The following CDH18 variants were observed in gnomAD, a reference collection of about 807,000 sequenced individuals.
The protein encoded by CDH18 is cadherin-18.
In CDH18, 31 loss-of-function variants were observed where a neutral mutation model predicts 67.9. That is an observed-to-expected ratio of 0.46 (90% CI 0.34 to 0.62). The LOEUF is 0.62. Among genes scored for constraint, CDH18 ranks in the 20% least tolerant of loss-of-function variants. CDH18 has a pLI of 0.01. For missense variants in CDH18, 890 were observed against 975.5 expected, an observed-to-expected ratio of 0.91 and a Z score of 1.17; for synonymous variants, 362 against 347.2, an observed-to-expected ratio of 1.04 and a Z score of -0.48.
chr5:19,913,757 T>C (rs1791422487), intron 2 of CDH18, among the ~76,000 whole-genome samples: 2 of 152,210 alleles, frequency 1.3e-5, no homozygotes, highest in Admixed American at 1.3e-4. Flanking sequence ...TAGAGAAGCA[T>C]CTGAAATAAC....
chr5:19,849,681 T>A (rs201595240), intron 2 of CDH18, among the ~76,000 whole-genome samples: 2 of 28,186 alleles, frequency 7.1e-5, no homozygotes, highest in Non-Finnish European at 1.0e-4. Flanking sequence ...CATATATATA[T>A]AAACATATAT....
intron 2 of CDH18, among the ~76,000 whole-genome samples, chr5:19,942,325 G>A (rs971169325): frequency 6.6e-6 from 1 of 152,152 alleles, no homozygotes; most frequent in African/African-American, 2.4e-5. Flanking sequence ...GCATCAAAGT[G>A]CTTAAAGTTT....
At chr5:19,499,560 A>T (rs941194764) in intron 11 of CDH18, among the ~76,000 whole-genome samples, 2 of 151,826 alleles carry the variant, frequency 1.3e-5, no homozygotes, top group African/African-American at 4.8e-5. Context: ...GAATTTTCTA[A>T]TTTTTTATAC....
At chr5:20,299,403 T>TACACACAC (rs56003449) in intron 1 of CDH18, among the ~76,000 whole-genome samples, 10 of 138,772 alleles carry the variant, frequency 7.2e-5, no homozygotes, top group African/African-American at 2.7e-4. Flanking sequence ...CAACATTAGC[T>TACACACAC]ACACACACAC....
At chr5:19,496,913 T>C (rs1237437203) in intron 11 of CDH18, among the ~76,000 whole-genome samples, 1 of 151,922 alleles carries the variant, frequency 6.6e-6, no homozygotes, top group African/African-American at 2.4e-5. Context: ...AGGTGTCATC[T>C]TGGAAGCAGA....
chr5:20,300,303 C>CGTGTGTGTGTGTGT (rs67689740), intron 1 of CDH18, among the ~76,000 whole-genome samples: 2 of 148,506 alleles, frequency 1.3e-5, no homozygotes, highest in African/African-American at 5.0e-5. Context: ...TGTGTGTGTG[C>CGTGTGTGTGTGTGT]GTGTGTGTGT....
intron 1 of CDH18, among the ~76,000 whole-genome samples, chr5:20,538,749 G>A (rs1424109795): frequency 6.6e-6 from 1 of 151,864 alleles, no homozygotes; most frequent in African/African-American, 2.4e-5. Context: ...CTTCTTGATG[G>A]CCTTGGAAAA....
intron 2 of CDH18, among the ~76,000 whole-genome samples, chr5:19,917,964 C>G (rs4610462): frequency 2.6e-5 from 4 of 152,062 alleles, no homozygotes; most frequent in Non-Finnish European, 4.4e-5. Flanking sequence ...GAAGCAGAGA[C>G]GTGAGATGTG....
chr5:20,489,689 T>C (rs983447599), intron 1 of CDH18, among the ~76,000 whole-genome samples: 1 of 151,982 alleles, frequency 6.6e-6, no homozygotes, highest in Non-Finnish European at 1.5e-5. Context: ...ATGCCTTAGG[T>C]TAAAGAAAAT....
intron 2 of CDH18, among the ~76,000 whole-genome samples, chr5:20,131,042 A>G (rs2126473869): frequency 6.6e-6 from 1 of 152,242 alleles, no homozygotes; most frequent in East Asian, 1.9e-4. Flanking sequence ...CTTCAAAACA[A>G]AAATCACTTC....
At chr5:20,558,667 C>T (rs1397328956) in intron 1 of CDH18, among the ~76,000 whole-genome samples, 1 of 152,008 alleles carries the variant, frequency 6.6e-6, no homozygotes, top group East Asian at 1.9e-4. Context: ...CTATTGTCCA[C>T]ACAGAGCAAC....
At position 20,566,366 on chromosome 5, in the gene CDH18, T is replaced by C. The variant is rs570170688; in HGVS notation, c.-580+9096A>G. 4.6e-4 allele frequency among the ~76,000 whole-genome samples: 67 copies of C among 145,366 alleles called. 2 individuals are homozygous for C. The South Asian group carries it at 0.013, about 28-fold the overall frequency. ...CTTGATTTTTTTTCTTTTTCTTTTT[T>C]TTTTTTTTTTTTGAGATAGAGTCTC... On this transcript the variant is annotated intron_variant, in intron 1 of 14. Transcript: ENST00000507958.
At chr5:20,351,104 C>A (rs1003841963) in intron 1 of CDH18, among the ~76,000 whole-genome samples, 6 of 151,718 alleles carry the variant, frequency 4.0e-5, no homozygotes, top group Admixed American at 2.6e-4. Flanking sequence ...ATTCCTTTTA[C>A]CATGACTATC....
At chr5:19,817,566 AT>A (rs1386974017) in intron 3 of CDH18, among the ~76,000 whole-genome samples, 1 of 152,102 alleles carries the variant, frequency 6.6e-6, no homozygotes, top group Non-Finnish European at 1.5e-5. Context: ...GTACTGATTA[AT>A]AAGACAGAAT....
At chr5:19,623,242 T>G (rs895479686) in intron 5 of CDH18, among the ~76,000 whole-genome samples, 2 of 152,170 alleles carry the variant, frequency 1.3e-5, no homozygotes, top group Non-Finnish European at 2.9e-5. Flanking sequence ...CTCCAAATAA[T>G]TGCTGTTTAG....
At chr5:20,277,579 T>C (rs554652177) in intron 1 of CDH18, among the ~76,000 whole-genome samples, 72 of 152,140 alleles carry the variant, frequency 4.7e-4, no homozygotes, top group African/African-American at 1.3e-3. Flanking sequence ...ATGAAGACTA[T>C]AATAAATACC....
Position 19,789,918 on chromosome 5 carries a change from TATA to T in CDH18, c.229-42685_229-42683del, listed in dbSNP as rs375870360. ...TATATTGTATACATTTTATACATAA[TATA>T]ATGTGTATGTAAATAATATATACAG... is the stretch of plus-strand genomic sequence containing the variant. On this transcript the variant is annotated intron_variant, in intron 3 of 12. Coordinates refer to ENST00000382275, the MANE Select transcript of CDH18 (RefSeq NM_004934.5). Among the ~76,000 whole-genome samples, 585 of 152,068 alleles carry T rather than the reference TATA, an allele frequency of 3.8e-3. 6 individuals are homozygous for T. The highest frequency in any genetic ancestry group is 0.013 in the African/African-American group (557 of 41,534).
At chr5:20,028,981 A>G (rs1739153970) in intron 2 of CDH18, among the ~76,000 whole-genome samples, 3 of 152,188 alleles carry the variant, frequency 2.0e-5, no homozygotes, top group Admixed American at 2.0e-4. Flanking sequence ...TTGTCAATAT[A>G]AAGTGGGAAA....
intron 1 of CDH18, among the ~76,000 whole-genome samples, chr5:20,510,503 G>A (rs1401607909): frequency 3.3e-5 from 5 of 151,836 alleles, no homozygotes; most frequent in East Asian, 1.9e-4. Flanking sequence ...TTATCTAATC[G>A]TTTTAAAGAT....
Sources: allele counts gnomAD v4.1 joint callset (sites outside exome capture counted in the v4.1 genomes callset), GRCh38; gene constraint gnomAD v4.1.1; transcripts MANE v1.5; gene names NCBI Gene and HGNC (gene_info 2026-07-23, HGNC 2026-07-21).